STEAP1B: variants seen among roughly 807,000 people sequenced by gnomAD.
STEAP1B encodes the protein STEAP family member 1B.
STEAP1B carries 13 observed loss-of-function variants against 27.9 expected under a neutral mutation model. The observed-to-expected ratio is 0.47, with a 90% CI of 0.30 to 0.74. STEAP1B has a LOEUF of 0.74. Among genes scored for constraint, STEAP1B ranks in the 30% least tolerant of loss-of-function variants. The pLI is 0.06. For synonymous variants in STEAP1B, 86 were observed against 107.1 expected (o/e 0.80, Z 1.22); for missense variants, 250 against 298.7 (o/e 0.84, Z 1.20).
chr7:22,454,868 T>C (rs796848978), intron 4 of STEAP1B, among the ~76,000 whole-genome samples: 1 of 78,630 alleles, frequency 1.3e-5, no homozygotes, highest in African/African-American at 4.9e-5. Flanking sequence ...TATATATATT[T>C]TTTTTTTTTT....
chr7:22,436,338 A>C (rs1276745280), intron 4 of STEAP1B, among the ~76,000 whole-genome samples: 3 of 152,178 alleles, frequency 2.0e-5, no homozygotes, highest in Non-Finnish European at 4.4e-5. Flanking sequence ...AACATCCATC[A>C]CATCAAAAAG....
intron 4 of STEAP1B, among the ~76,000 whole-genome samples, chr7:22,445,359 C>G (rs1785393573): frequency 6.6e-6 from 1 of 152,268 alleles, no homozygotes; most frequent in Non-Finnish European, 1.5e-5. Flanking sequence ...GGACTGACAT[C>G]TGCAACTCTT....
At chr7:22,486,500 C>T (rs755543457) in intron 4 of STEAP1B, among the ~76,000 whole-genome samples, 4 of 152,086 alleles carry the variant, frequency 2.6e-5, no homozygotes, top group Non-Finnish European at 5.9e-5. Flanking sequence ...CTATGCCAAC[C>T]CTCTCAGAGG....
At chr7:22,439,904 T>C (rs1338891069) in intron 4 of STEAP1B, among the ~76,000 whole-genome samples, 1 of 152,066 alleles carries the variant, frequency 6.6e-6, no homozygotes, top group African/African-American at 2.4e-5. Flanking sequence ...GCATCAACAA[T>C]AACAATAGAA....
At chr7:22,468,353 G>A (rs1452680500) in intron 4 of STEAP1B, among the ~76,000 whole-genome samples, 1 of 152,046 alleles carries the variant, frequency 6.6e-6, no homozygotes, top group African/African-American at 2.4e-5. Flanking sequence ...GGAAACTGAG[G>A]AAAGGAGGCT....
chr7:22,429,986 T>C (rs1443759820), intron 4 of STEAP1B, among the ~76,000 whole-genome samples: 2 of 152,188 alleles, frequency 1.3e-5, no homozygotes, highest in Non-Finnish European at 2.9e-5. Context: ...CTTGAGGATT[T>C]ACCCTTGAGG....
At chr7:22,429,848 G>C (rs559538460) in intron 4 of STEAP1B, among the ~76,000 whole-genome samples, 1 of 151,806 alleles carries the variant, frequency 6.6e-6, no homozygotes, top group Non-Finnish European at 1.5e-5. Context: ...ATTATAAGTA[G>C]TGTGTCCAAT....
chr7:22,463,371 C>T (rs1163081123), intron 4 of STEAP1B, among the ~76,000 whole-genome samples: 1 of 152,056 alleles, frequency 6.6e-6, no homozygotes, highest in Non-Finnish European at 1.5e-5. Flanking sequence ...ATGAAAATGG[C>T]CATACTGCCC....
chr7:22,420,637 T>A (rs903342422), intron 4 of STEAP1B, among the ~76,000 whole-genome samples: 8 of 152,202 alleles, frequency 5.3e-5, no homozygotes, highest in Non-Finnish European at 8.8e-5. Flanking sequence ...TAAGATTGAT[T>A]TTTCCTTCAT....
chr7:22,454,850 T>TAAATATAAATATAA, intron 4 of STEAP1B, among the ~76,000 whole-genome samples: 2 of 64,288 alleles, frequency 3.1e-5, no homozygotes, highest in Non-Finnish European at 6.6e-5. Context: ...TATATATATG[T>TAAATATAAATATAA]ATATATATAT....
intron 4 of STEAP1B, among the ~76,000 whole-genome samples, chr7:22,474,503 G>A (rs1785938713): frequency 6.6e-6 from 1 of 152,244 alleles, no homozygotes; most frequent in African/African-American, 2.4e-5. Flanking sequence ...AGCTTCCTGT[G>A]TGGCCAGCAA....
intron 4 of STEAP1B, among the ~76,000 whole-genome samples, chr7:22,459,111 G>T (rs1785636638): frequency 6.6e-6 from 1 of 152,128 alleles, no homozygotes. Flanking sequence ...GGAGGGTGGG[G>T]ACTCCTGTTT....
At chr7:22,480,203 A>G (rs761120150) in intron 4 of STEAP1B, among the ~76,000 whole-genome samples, 1 of 152,240 alleles carries the variant, frequency 6.6e-6, no homozygotes, top group African/African-American at 2.4e-5. Context: ...AACAAACCTT[A>G]TCCTGTTCCA....
chr7:22,469,092 G>A (rs1057269513), intron 4 of STEAP1B, among the ~76,000 whole-genome samples: 16 of 152,132 alleles, frequency 1.1e-4, no homozygotes, highest in African/African-American at 3.9e-4. Flanking sequence ...CTCTGTGTGT[G>A]TTATGATTCC....
At chr7:22,427,472 G>A (rs1785123390) in intron 4 of STEAP1B, among the ~76,000 whole-genome samples, 1 of 152,174 alleles carries the variant, frequency 6.6e-6, no homozygotes, top group African/African-American at 2.4e-5. Context: ...TCTCTGAGAT[G>A]GGAAAGGGTG....
Position 22,491,496 on chromosome 7 carries a change from G to A in STEAP1B, c.762+1069C>T, listed in dbSNP as rs372352813. Among the ~76,000 whole-genome samples the A allele has an allele frequency of 9.8e-5, 15 of 152,320 alleles. No homozygotes were observed. The East Asian group carries it at 2.3e-3, about 24-fold the overall frequency. ...AAAGGGAGAGAAAGGAGTTCCTTCA[G>A]GCTGGGATGACTATAGAAATCTATA... On this transcript the variant is annotated intron_variant, in intron 4 of 4. Coordinates refer to ENST00000678116, the MANE Select transcript of STEAP1B (RefSeq NM_001382447.1).
At chr7:22,477,020 G>C (rs1011410991) in intron 4 of STEAP1B, among the ~76,000 whole-genome samples, 6 of 152,218 alleles carry the variant, frequency 3.9e-5, no homozygotes, top group African/African-American at 1.2e-4. Context: ...TTTCTTCAAA[G>C]CCACATAGGG....
In STEAP1B at chr7:22,493,396, A is replaced by C; in HGVS notation, c.525T>G (p.His175Gln). 2.5e-6 allele frequency: 4 copies of C among 1,614,202 alleles called. No individual in the cohort carries two copies. The highest frequency in any genetic ancestry group is 3.4e-6 in the Non-Finnish European group (4 of 1,180,020). ...TTGCGTAAGACAGAGTATAAATTGC[A>C]TGCAGTACAGCAAAAAACAAACTGA... Reference protein sequence around the residue: ...GLLSLFFAVLHAIYTLSYAMR... With the variant: ...GLLSLFFAVLQAIYTLSYAMR... Residue 175 changes from histidine (H) to glutamine (Q), a missense_variant, in exon 3 of 5, where the codon CAT becomes CAG. Coordinates refer to ENST00000678116, the MANE Select transcript of STEAP1B (RefSeq NM_001382447.1).
At chr7:22,481,362 G>C (rs750151040) in intron 4 of STEAP1B, among the ~76,000 whole-genome samples, 18 of 152,164 alleles carry the variant, frequency 1.2e-4, no homozygotes, top group African/African-American at 4.3e-4. Flanking sequence ...TAACCCCTGG[G>C]TGCCTGAGGA....
Sources: allele counts gnomAD v4.1 joint callset (sites outside exome capture counted in the v4.1 genomes callset), GRCh38; gene constraint gnomAD v4.1.1; transcripts MANE v1.5; gene names NCBI Gene and HGNC (gene_info 2026-07-23, HGNC 2026-07-21).